NDUFAF2: variants seen among roughly 807,000 people sequenced by gnomAD.
NDUFAF2 encodes NADH dehydrogenase [ubiquinone] 1 alpha subcomplex assembly factor 2.
NDUFAF2 carries 13 observed loss-of-function variants against 22.8 expected under a neutral mutation model. The ratio of observed to expected loss-of-function variants is 0.57; its 90% confidence interval spans 0.37 to 0.91. The LOEUF (loss-of-function observed/expected upper bound fraction) is 0.91, where lower values mean the gene tolerates loss of function less well. NDUFAF2 is among the 40% of genes least tolerant of loss of function. The pLI is 0.01. For missense variants in NDUFAF2, 162 were observed against 195.2 expected, an observed-to-expected ratio of 0.83 and a Z score of 1.01; for synonymous variants, 53 against 64.2, an observed-to-expected ratio of 0.83 and a Z score of 0.84.
At chr5:61,079,216 TTTA>T (rs1222316011) in intron 2 of NDUFAF2, among the ~76,000 whole-genome samples, 1 of 152,186 alleles carries the variant, frequency 6.6e-6, no homozygotes, top group Non-Finnish European at 1.5e-5. Flanking sequence ...CATACCCACT[TTTA>T]TTGCTTTTAA....
chr5:61,116,252 A>G (rs1371307339), intron 3 of NDUFAF2: 2 of 152,180 alleles, frequency 1.3e-5, no homozygotes, highest in Non-Finnish European at 1.5e-5. Flanking sequence ...ACCTAGGAAC[A>G]CTAGACATCT....
chr5:61,057,477 A>G (rs1752113854), intron 1 of NDUFAF2, among the ~76,000 whole-genome samples: 1 of 152,202 alleles, frequency 6.6e-6, no homozygotes, highest in Non-Finnish European at 1.5e-5. Context: ...TTGTTTAGTA[A>G]ATGAATATAT....
intron 2 of NDUFAF2, among the ~76,000 whole-genome samples, chr5:61,076,969 C>T (rs917833824): frequency 1.3e-5 from 2 of 152,010 alleles, no homozygotes; most frequent in South Asian, 2.1e-4. Flanking sequence ...TTTGGCCTCA[C>T]CTGGAAAAAG....
At chr5:60,950,694 G>C (rs1750533399) in intron 1 of NDUFAF2, among the ~76,000 whole-genome samples, 1 of 143,622 alleles carries the variant, frequency 7.0e-6, no homozygotes, top group Non-Finnish European at 1.5e-5. Context: ...AATTTATACT[G>C]ATTGACTTTT....
chr5:60,952,671 G>A (rs1750564062), intron 1 of NDUFAF2, among the ~76,000 whole-genome samples: 1 of 152,026 alleles, frequency 6.6e-6, no homozygotes, highest in South Asian at 2.1e-4. Context: ...GCTATTTGGG[G>A]TTGAATGTTC....
At chr5:61,101,415 G>A (rs926331321) in intron 3 of NDUFAF2, among the ~76,000 whole-genome samples, 15 of 151,952 alleles carry the variant, frequency 9.9e-5, no homozygotes, top group African/African-American at 3.1e-4. Context: ...TAAAAACTTC[G>A]TATTTGTTTT....
chr5:60,948,045 G>A lies in NDUFAF2; in HGVS notation c.127+2663G>A, dbSNP rs182385499. Among the ~76,000 whole-genome samples, 75 of 152,136 alleles carry A rather than the reference G, an allele frequency of 4.9e-4. No individual in the cohort carries two copies. In the Middle Eastern group the frequency reaches 0.01, roughly 21 times the overall value. Reference sequence around the variant, plus strand: ...TATAATTTGGTAAGTTTTGACATATGTATATATCTGTGAAACCATCAACAC... The same window carrying A: ...TATAATTTGGTAAGTTTTGACATATATATATATCTGTGAAACCATCAACAC... On this transcript the variant is annotated intron_variant, in intron 1 of 3. Transcript: ENST00000296597.
rs576379205 is a variant in NDUFAF2 at position 61,147,554 on chromosome 5, G to T, written c.259-5150G>T. ...CTCCCAACGTGCTAGGATTACAGGCGTGAGCCACCACGTACGGCTAGAATC... is the reference window on the plus strand; with the variant it reads ...CTCCCAACGTGCTAGGATTACAGGCTTGAGCCACCACGTACGGCTAGAATC... On this transcript the variant is annotated intron_variant, in intron 3 of 3. Transcript: ENST00000296597. Among the ~76,000 whole-genome samples, 4 of 148,016 alleles carry T rather than the reference G, an allele frequency of 2.7e-5. No individual in the cohort carries two copies. In the South Asian group the frequency reaches 8.5e-4, roughly 31 times the overall value.
At chr5:61,012,722 A>C (rs1277041187) in intron 1 of NDUFAF2, among the ~76,000 whole-genome samples, 3 of 152,166 alleles carry the variant, frequency 2.0e-5, no homozygotes, top group African/African-American at 7.2e-5. Flanking sequence ...CATTTAATTA[A>C]ATTTTAAACA....
chr5:61,007,540 CAT>C (rs773358088), intron 1 of NDUFAF2, among the ~76,000 whole-genome samples: 1 of 152,144 alleles, frequency 6.6e-6, no homozygotes, highest in Non-Finnish European at 1.5e-5. Flanking sequence ...AGCCAAAAAA[CAT>C]ATGAAAAAAT....
At chr5:61,045,656 G>T (rs568384019) in intron 1 of NDUFAF2, among the ~76,000 whole-genome samples, 1 of 150,968 alleles carries the variant, frequency 6.6e-6, no homozygotes, top group African/African-American at 2.4e-5. Flanking sequence ...TTTTTGAATA[G>T]TTTACTGTTA....
At chr5:60,978,177 T>C (rs1391734721) in intron 1 of NDUFAF2, among the ~76,000 whole-genome samples, 3 of 152,080 alleles carry the variant, frequency 2.0e-5, no homozygotes, top group East Asian at 3.9e-4. Context: ...CTGGTGCCCA[T>C]TGAGGGAGCA....
At chr5:61,057,887 G>T (rs1752118513) in intron 1 of NDUFAF2, among the ~76,000 whole-genome samples, 1 of 152,096 alleles carries the variant, frequency 6.6e-6, no homozygotes, top group Non-Finnish European at 1.5e-5. Context: ...GATCAGTGGT[G>T]CCTGGTGGCT....
intron 1 of NDUFAF2, among the ~76,000 whole-genome samples, chr5:61,040,278 A>ACGCGCG (rs1469467028): frequency 6.2e-5 from 8 of 128,864 alleles, no homozygotes; most frequent in East Asian, 4.3e-4. Context: ...ACACACACAC[A>ACGCGCG]CACACACACG....
chr5:61,006,261 G>A (rs945691828), intron 1 of NDUFAF2, among the ~76,000 whole-genome samples: 1 of 152,098 alleles, frequency 6.6e-6, no homozygotes, highest in African/African-American at 2.4e-5. Context: ...TAGATGTGTG[G>A]TATTATTTCC....
At chr5:61,038,184 A>C (rs1309239481) in intron 1 of NDUFAF2, among the ~76,000 whole-genome samples, 1 of 151,936 alleles carries the variant, frequency 6.6e-6, no homozygotes, top group African/African-American at 2.4e-5. Context: ...GTTCTGTGGG[A>C]GTTTGTTAAA....
At chr5:61,068,781 CTT>C (rs1245024590) in intron 1 of NDUFAF2, among the ~76,000 whole-genome samples, 4 of 152,040 alleles carry the variant, frequency 2.6e-5, no homozygotes, top group Non-Finnish European at 5.9e-5. Context: ...GATTTTTACT[CTT>C]TTACTTTTAG....
intron 3 of NDUFAF2, among the ~76,000 whole-genome samples, chr5:61,119,859 T>G (rs1454061856): frequency 6.6e-6 from 1 of 152,188 alleles, no homozygotes; most frequent in East Asian, 1.9e-4. Flanking sequence ...TGATCTTACT[T>G]GATTTATTTT....
At position 61,069,587 on chromosome 5, in the gene NDUFAF2, G is replaced by A. The variant is rs573402559; in HGVS notation, c.128-3538G>A. On this transcript the variant is annotated intron_variant, in intron 1 of 3. Coordinates refer to ENST00000296597, the MANE Select transcript of NDUFAF2 (RefSeq NM_174889.5). ...AAATATTAGGTTATAGTACTCTAAA[G>A]TATGGCAAAAATTGCAAAGATGGTA... Among the ~76,000 whole-genome samples, 9 of 152,218 alleles carry A rather than the reference G, an allele frequency of 5.9e-5. No homozygotes were observed. In the East Asian group the frequency reaches 1.7e-3, roughly 29 times the overall value.
Sources: allele counts gnomAD v4.1 joint callset (sites outside exome capture counted in the v4.1 genomes callset), GRCh38; gene constraint gnomAD v4.1.1; transcripts MANE v1.5; gene names NCBI Gene and HGNC (gene_info 2026-07-23, HGNC 2026-07-21).